Variants in MAP4K1 observed in about 807,000 individuals in gnomAD.
MAP4K1 encodes the protein mitogen-activated protein kinase kinase kinase kinase 1.
Under a neutral mutation model 122.8 loss-of-function variants are expected in MAP4K1, and 35 were observed. The ratio of observed to expected loss-of-function variants is 0.29; its 90% confidence interval spans 0.22 to 0.38. The LOEUF (loss-of-function observed/expected upper bound fraction) is 0.38, where lower values mean the gene tolerates loss of function less well. Among genes scored for constraint, MAP4K1 ranks in the 10% least tolerant of loss-of-function variants. The pLI, the probability that MAP4K1 is intolerant of heterozygous loss-of-function variation, is 1.00. For missense variants in MAP4K1, 791 were observed against 1,072.6 expected (o/e 0.74, Z 3.67); for synonymous variants, 412 against 421.3 (o/e 0.98, Z 0.27).
In MAP4K1 at chr19:38,597,684, C is replaced by A; in HGVS notation, c.1670-90G>T. ...CTCCATCCCTTCCCTCAGCCCCATCCCTTTGTCTGAAACTCCCAAGCCTGC... is the reference window on the plus strand; with the variant it reads ...CTCCATCCCTTCCCTCAGCCCCATCACTTTGTCTGAAACTCCCAAGCCTGC... On this transcript the variant is annotated intron_variant, in intron 22 of 30. Transcript: ENST00000396857. The surrounding 1 kb of genome is among the most constrained non-coding windows in gnomAD (Gnocchi z 4.6). The A allele has an allele frequency of 1.2e-6, 1 of 825,482 alleles. No individual in the cohort carries two copies. The highest frequency in any genetic ancestry group is 1.9e-6 in the Non-Finnish European group (1 of 533,628). 51.1% of individuals were successfully genotyped at this position (825,482 alleles called of 1,614,324 possible).
chr19:38,602,863 T>C (rs187104716), intron 19 of MAP4K1, among the ~76,000 whole-genome samples: 1 of 148,772 alleles, frequency 6.7e-6, no homozygotes, highest in Non-Finnish European at 1.5e-5. Context: ...TATACATATA[T>C]ACACATGTAC....
Position 38,601,102 on chromosome 19 carries a change from G to C in MAP4K1, c.1531+339C>G, listed in dbSNP as rs939973151. ...ATTACAGGCGTGAGCCACCATGCCC[G>C]GCCTACCTAGCTTCTTTTGTATTTT... is the stretch of plus-strand genomic sequence containing the variant. On this transcript the variant is annotated intron_variant, in intron 20 of 30. Transcript: ENST00000396857. 6.3e-4 allele frequency among the ~76,000 whole-genome samples: 95 copies of C among 151,798 alleles called. 2 individuals carry two copies. Among genetic ancestry groups the C allele is most frequent in the Non-Finnish European group, 8.8e-5 (6 of 67,924 alleles).
chr19:38,602,315 T>C (rs1242872504), intron 19 of MAP4K1, among the ~76,000 whole-genome samples: 8 of 152,076 alleles, frequency 5.3e-5, no homozygotes, highest in Non-Finnish European at 1.2e-4. Flanking sequence ...CCTCAGGTGA[T>C]GCGTCTGCCT....
chr19:38,616,190 C>T lies in MAP4K1; in HGVS notation c.313+5G>A. ...GTGCTTGGGTCCCGTTGTCCTTTCT[C>T]TAACCTTGGTAGATGTCCTGGAGAG... is the stretch of plus-strand genomic sequence containing the variant. On this transcript the variant is annotated splice_donor_5th_base_variant and intron_variant, in intron 4 of 30. Coordinates refer to ENST00000396857, the MANE Select transcript of MAP4K1 (RefSeq NM_001042600.3). 1.2e-6 allele frequency: 2 copies of T among 1,611,720 alleles called. No homozygotes were observed. Among genetic ancestry groups the T allele is most frequent in the Non-Finnish European group, 1.7e-6 (2 of 1,179,284 alleles).
intron 19 of MAP4K1, among the ~76,000 whole-genome samples, chr19:38,602,013 T>G (rs1975079382): frequency 1.3e-5 from 2 of 151,592 alleles, no homozygotes; most frequent in African/African-American, 4.9e-5. Context: ...CTTGGCCTCA[T>G]GTGATTCACC....
At chr19:38,611,748 C>G (rs1350375691) in intron 9 of MAP4K1, among the ~76,000 whole-genome samples, 1 of 152,014 alleles carries the variant, frequency 6.6e-6, no homozygotes, top group Non-Finnish European at 1.5e-5. Flanking sequence ...CCGCTGCACT[C>G]CAGCCTGGGT....
At chr19:38,606,776 C>G (rs536026708) in intron 16 of MAP4K1, among the ~76,000 whole-genome samples, 2 of 152,314 alleles carry the variant, frequency 1.3e-5, no homozygotes, top group African/African-American at 4.8e-5. Context: ...CAGTGCACCA[C>G]GGCTTTGCAC....
chr19:38,616,098 T>G (rs1975640853), intron 4 of MAP4K1, 97 bp downstream of exon 4: 35 of 823,654 alleles, frequency 4.2e-5, no homozygotes, highest in East Asian at 5.4e-5. Context: ...ACAGTTCCTG[T>G]GAGATACACA....
chr19:38,605,584 G>A lies in MAP4K1; in HGVS notation c.1347C>T (p.His449=). ...PGPPPSTSSP[H]LTAHSEPSLW... ...TCCCATTACCTGAATGGGCGGTGAGGTGGGGGCTGCTGGTGGATGGGGGAG... is the reference window on the plus strand; with the variant it reads ...TCCCATTACCTGAATGGGCGGTGAGATGGGGGCTGCTGGTGGATGGGGGAG... The change falls in exon 18 of 31, where the codon CAC becomes CAT. Residue 449 remains histidine, a synonymous_variant. Coordinates refer to ENST00000396857, the MANE Select transcript of MAP4K1 (RefSeq NM_001042600.3). The A allele has an allele frequency of 6.5e-7, 1 of 1,548,352 alleles. No individual in the cohort carries two copies. Among genetic ancestry groups the A allele is most frequent in the Non-Finnish European group, 8.7e-7 (1 of 1,148,674 alleles).
chr19:38,613,704 C>G (rs1975566072), intron 8 of MAP4K1, among the ~76,000 whole-genome samples, 176 bp downstream of exon 8: 1 of 150,294 alleles, frequency 6.7e-6, no homozygotes, highest in Non-Finnish European at 1.5e-5. Context: ...CAGAAAAGGG[C>G]ACAAAGAGAG....
chr19:38,602,957 C>CAT lies in MAP4K1; in HGVS notation c.1447-1434_1447-1433dup, dbSNP rs200170363. ...ATATATACACATACATATATACACA[C>CAT]ATATACACATGCACATATATACGCA... On this transcript the variant is annotated intron_variant, in intron 19 of 30. Coordinates refer to ENST00000396857, the MANE Select transcript of MAP4K1 (RefSeq NM_001042600.3). Among the ~76,000 whole-genome samples, 6 of 129,168 alleles carry CAT rather than the reference C, an allele frequency of 4.6e-5. No individual in the cohort carries two copies. In the East Asian group the frequency reaches 1.1e-3, roughly 23 times the overall value. 84.7% of individuals were successfully genotyped at this position (129,168 alleles called of 152,430 possible). A position where few individuals can be genotyped will look rare whatever the true frequency, so the allele number is the denominator to read the frequency against.
At chr19:38,602,806 ATACATATATACACATG>A (rs1170176068) in intron 19 of MAP4K1, among the ~76,000 whole-genome samples, 2 of 129,896 alleles carry the variant, frequency 1.5e-5, no homozygotes, top group Non-Finnish European at 1.5e-5. Context: ...ACATACATAT[ATACATATATACACATG>A]TACATATATA....
At chr19:38,606,245 G>T in intron 16 of MAP4K1, 30 bp from the exon 17 acceptor site, 1 of 1,251,162 alleles carries the variant, frequency 8.0e-7, no homozygotes, top group East Asian at 2.4e-5. Flanking sequence ...TAAATAGCTG[G>T]GGGGCTGGGG....
At chr19:38,608,714 C>T (rs976880012) in intron 13 of MAP4K1, among the ~76,000 whole-genome samples, 3 of 146,386 alleles carry the variant, frequency 2.0e-5, no homozygotes, top group East Asian at 2.0e-4. Context: ...GCAGGAGAAT[C>T]GCTTGAACCC....
chr19:38,597,649 A>C lies in MAP4K1; in HGVS notation c.1670-55T>G. 1.6e-6 allele frequency: 2 copies of C among 1,221,136 alleles called. No individual in the cohort carries two copies. The highest frequency in any genetic ancestry group is 1.4e-5 in the South Asian group (1 of 70,990). 75.6% of individuals were successfully genotyped at this position (1,221,136 alleles called of 1,614,324 possible). On this transcript the variant is annotated intron_variant, in intron 22 of 30. Coordinates refer to ENST00000396857, the MANE Select transcript of MAP4K1 (RefSeq NM_001042600.3). The surrounding 1 kb of genome is among the most constrained non-coding windows in gnomAD (Gnocchi z 4.6). ...AGGAAGTTATAGGATCCCATATACC[A>C]CTTCCTTTCCTCCATCCCTTCCCTC... is the stretch of plus-strand genomic sequence containing the variant.
At chr19:38,590,387 AAAAAAAAATATATATAT>A (rs1436312112) in intron 30 of MAP4K1, among the ~76,000 whole-genome samples, 7 of 70,768 alleles carry the variant, frequency 9.9e-5, no homozygotes, top group Admixed American at 3.5e-4. Context: ...AAAAAAAAAA[AAAAAAAAATATATATAT>A]ATATATATAT....
At chr19:38,599,638 A>G (rs951870598) in intron 22 of MAP4K1, among the ~76,000 whole-genome samples, 23 of 151,976 alleles carry the variant, frequency 1.5e-4, no homozygotes, top group Non-Finnish European at 7.4e-5. Flanking sequence ...CTCCAGCCTG[A>G]GTGACAGAGG....
chr19:38,594,418 T>C (rs1366873743), intron 29 of MAP4K1, among the ~76,000 whole-genome samples: 1 of 152,104 alleles, frequency 6.6e-6, no homozygotes, highest in Non-Finnish European at 1.5e-5. Flanking sequence ...GGCGGGCAGA[T>C]CACTTGAGGT....
rs190075386 is a variant in MAP4K1, at chr19:38,612,600, C to T, written c.665+11G>A. The T allele has an allele frequency of 2.1e-4, 344 of 1,609,964 alleles. 2 individuals carry two copies. The highest frequency in any genetic ancestry group is 2.2e-5 in the South Asian group (2 of 90,964). On this transcript the variant is annotated intron_variant, in intron 9 of 30. Coordinates refer to ENST00000396857, the MANE Select transcript of MAP4K1 (RefSeq NM_001042600.3). ...AGGATCTCTGGGCCTGGGGACCCCA[C>T]GCCTGCCTACCTGAGAGGGTGCACA... is the stretch of plus-strand genomic sequence containing the variant.
Sources: gnomAD v4.1 joint callset for allele counts (sites outside exome capture counted in the v4.1 genomes callset) on GRCh38, gnomAD v4.1.1 for gene constraint, Gnocchi (gnomAD v3.1) non-coding constraint, MANE v1.5 for transcripts, NCBI Gene and HGNC (gene_info 2026-07-23, HGNC 2026-07-21) for gene names.